ZNF454: variants seen among roughly 807,000 people sequenced by gnomAD.
ZNF454 encodes zinc finger protein 454.
Under a neutral mutation model 48.2 loss-of-function variants are expected in ZNF454, and 30 were observed. The ratio of observed to expected loss-of-function variants is 0.62; its 90% CI spans 0.47 to 0.84. The LOEUF (loss-of-function observed/expected upper bound fraction) is 0.84, where lower values mean the gene tolerates loss of function less well. Ranked by LOEUF, ZNF454 falls within the 40% of genes least tolerant of loss-of-function variation. The pLI, the probability that ZNF454 is intolerant of heterozygous loss-of-function variation, is 0.00. For missense variants in ZNF454, 510 were observed against 623.1 expected, an observed-to-expected ratio of 0.82 and a Z score of 1.93; for synonymous variants, 204 against 211.4, an observed-to-expected ratio of 0.97 and a Z score of 0.30.
chr5:178,986,784 C>T, the ZNF454 span: 1 of 1,611,468 alleles, frequency 6.2e-7, no homozygotes, highest in Admixed American at 1.7e-5. Context: ...GCTGGGGCGT[C>T]TGCCTCCGGG....
the ZNF454 span, chr5:178,981,748 T>G: frequency 6.2e-7 from 1 of 1,613,808 alleles, no homozygotes; most frequent in Non-Finnish European, 8.5e-7. The surrounding 1 kb of genome is among the most constrained non-coding windows in gnomAD (Gnocchi z 5.1). Context: ...CACATTCTGC[T>G]CTGGATGGAA....
At chr5:178,977,497 T>G in the ZNF454 span, 1 of 447,128 alleles carries the variant, frequency 2.2e-6, no homozygotes, top group South Asian at 1.6e-5. Flanking sequence ...GGTACTCTTT[T>G]ATAGCAGCCT....
chr5:178,963,982 G>A (rs1429204540), intron 4 of ZNF454, among the ~76,000 whole-genome samples: 5 of 151,632 alleles, frequency 3.3e-5, no homozygotes, highest in South Asian at 4.2e-4. Context: ...CATTTGAATC[G>A]ACAGGGTACT....
the ZNF454 span, chr5:178,980,142 C>T: frequency 6.5e-6 from 1 of 154,354 alleles, no homozygotes; most frequent in Admixed American, 6.5e-5. The surrounding 1 kb of genome is among the most constrained non-coding windows in gnomAD (Gnocchi z 4.3). Flanking sequence ...AACTGCGCAC[C>T]AGAGAAGCTG....
At chr5:178,981,563 C>A in the ZNF454 span, 2 of 976,584 alleles carry the variant, frequency 2.0e-6, no homozygotes, top group South Asian at 1.5e-5. The surrounding 1 kb of genome is among the most constrained non-coding windows in gnomAD (Gnocchi z 5.1). Flanking sequence ...CTGCCACTGA[C>A]TGTTCACCGT....
At chr5:178,947,947 C>T (rs867665415) in intron 4 of ZNF454, among the ~76,000 whole-genome samples, 2 of 152,160 alleles carry the variant, frequency 1.3e-5, no homozygotes, top group Non-Finnish European at 2.9e-5. Context: ...CGGAGCCTCG[C>T]TGTGTCACCC....
At chr5:178,970,755 A>G (rs1179172834), downstream of ZNF454, among the ~76,000 whole-genome samples, 1 of 152,204 alleles carries the variant, frequency 6.6e-6, no homozygotes, top group Non-Finnish European at 1.5e-5. Context: ...ATAATTATTC[A>G]TCAGTGTGTC....
the ZNF454 span, chr5:178,989,050 G>A: frequency 2.6e-5 from 42 of 1,613,982 alleles, no homozygotes; most frequent in Middle Eastern, 1.7e-4. Context: ...TGTGGAGGGC[G>A]TGGGCAATGG....
the ZNF454 span, chr5:178,983,118 T>G: frequency 2.5e-6 from 4 of 1,614,082 alleles, no homozygotes; most frequent in African/African-American, 2.7e-5. Flanking sequence ...CATGTCGCAC[T>G]TGAGCACCCC....
At chr5:178,983,291 C>T in the ZNF454 span, 4 of 1,360,160 alleles carry the variant, frequency 2.9e-6, no homozygotes, top group African/African-American at 1.4e-5. Context: ...CTGACAGAGG[C>T]CCCTGCGGGT....
the ZNF454 span, chr5:178,975,727 C>T: frequency 2.4e-6 from 1 of 422,160 alleles, no homozygotes; most frequent in Non-Finnish European, 4.9e-6. Flanking sequence ...GATGTGTCAC[C>T]TGGCCAGGCT....
At chr5:178,949,408 C>T (rs899933745) in intron 4 of ZNF454, among the ~76,000 whole-genome samples, 1 of 151,456 alleles carries the variant, frequency 6.6e-6, no homozygotes, top group Non-Finnish European at 1.5e-5. Flanking sequence ...AATCCTCCTA[C>T]CTCAGCCTCC....
chr5:178,970,193 A>C (rs919412671), downstream of ZNF454, among the ~76,000 whole-genome samples: 2 of 152,104 alleles, frequency 1.3e-5, no homozygotes, highest in Non-Finnish European at 2.9e-5. Flanking sequence ...AGAACGCCAT[A>C]GCCTCCCCTT....
At chr5:178,973,732 A>C in the ZNF454 span, among the ~76,000 whole-genome samples, 1 of 151,570 alleles carries the variant, frequency 6.6e-6, no homozygotes, top group East Asian at 2.0e-4. Flanking sequence ...AGTCCCAGCT[A>C]CTCGGGAGGC....
At chr5:178,945,236 G>A (rs1389999747) in intron 2 of ZNF454, among the ~76,000 whole-genome samples, 1 of 151,502 alleles carries the variant, frequency 6.6e-6, no homozygotes, top group Admixed American at 6.6e-5. Context: ...CTCTGTGTGT[G>A]TATTTGTATG....
chr5:178,952,767 A>G (rs1434447976), intron 4 of ZNF454, among the ~76,000 whole-genome samples: 2 of 151,760 alleles, frequency 1.3e-5, no homozygotes, highest in Admixed American at 6.6e-5. Flanking sequence ...TTTCTGTGTA[A>G]ATGTTGTCAA....
rs775513945 is a variant in ZNF454 at position 178,965,669 on chromosome 5, G to A, written c.1265G>A (p.Arg422Gln). ...YRCGLCEKAF[R>Q]DQSALAQHQR... ...TGTGGCTTGTGTGAGAAAGCCTTTC[G>A]GGACCAATCAGCACTAGCCCAACAT... is the stretch of plus-strand genomic sequence containing the variant. Residue 422 changes from arginine (R) to glutamine (Q), a missense_variant, in exon 5 of 5, where the codon CGG becomes CAG. This residue lies in a region of ZNF454 where 153 missense variants were observed against 195.8 expected (regional missense o/e 0.78). Coordinates refer to ENST00000519564, the MANE Select transcript of ZNF454 (RefSeq NM_001178089.3). The surrounding 1 kb of genome is among the most constrained non-coding windows in gnomAD (Gnocchi z 5.2). The A allele has an allele frequency of 1.2e-6, 2 of 1,613,934 alleles. No individual in the cohort carries two copies. The highest frequency in any genetic ancestry group is 1.3e-5 in the African/African-American group (1 of 74,876).
the ZNF454 span, chr5:178,989,075 A>G: frequency 5.3e-5 from 86 of 1,613,960 alleles, no homozygotes; most frequent in Non-Finnish European, 7.1e-5. Flanking sequence ...CACCGCATCA[A>G]TCACAAACTG....
intron 4 of ZNF454, among the ~76,000 whole-genome samples, chr5:178,962,797 T>C (rs1760041764): frequency 6.6e-6 from 1 of 151,808 alleles, no homozygotes; most frequent in South Asian, 2.1e-4. Flanking sequence ...CTCTAGATGT[T>C]GTTCTTCCAG....
Sources: allele counts gnomAD v4.1 joint callset (sites outside exome capture counted in the v4.1 genomes callset), GRCh38; gene constraint gnomAD v4.1.1; regional missense constraint gnomAD v4.1.1; non-coding constraint Gnocchi (gnomAD v3.1); transcripts MANE v1.5; gene names NCBI Gene and HGNC (gene_info 2026-07-23, HGNC 2026-07-21).